The following UNC13B variants were observed in gnomAD, a reference collection of about 807,000 sequenced individuals.
The protein encoded by UNC13B is protein unc-13 homolog B.
A neutral mutation model predicts 211.0 loss-of-function variants in UNC13B; 144 were observed. The ratio of observed to expected loss-of-function variants is 0.68; its 90% CI spans 0.60 to 0.78. UNC13B has a LOEUF of 0.78. Ranked by LOEUF, UNC13B falls within the 30% of genes least tolerant of loss-of-function variation. The probability of loss-of-function intolerance (pLI) is 0.00; values close to 1 mark genes in which losing one functional copy is unlikely to be tolerated. For synonymous variants in UNC13B, 709 were observed against 725.8 expected, an observed-to-expected ratio of 0.98 and a Z score of 0.37; for missense variants, 1,777 against 2,002.0, an observed-to-expected ratio of 0.89 and a Z score of 2.14.
At chr9:35,314,746 G>A (rs62543215) in intron 11 of UNC13B, among the ~76,000 whole-genome samples, 30,578 of 151,256 alleles carry the variant, frequency 0.2, 3,274 homozygotes, top group Non-Finnish European at 0.24. Context: ...AAATCCATGC[G>A]TACACATTAT....
intron 19 of UNC13B, 35 bp downstream of exon 19, chr9:35,381,250 G>A (rs183630829): frequency 4.0e-5 from 64 of 1,580,998 alleles, no homozygotes; most frequent in Non-Finnish European, 5.5e-5. Context: ...GGATCAGAAA[G>A]CAGTGCTGGG....
intron 1 of UNC13B, among the ~76,000 whole-genome samples, chr9:35,183,316 G>GGGGCGGCC (rs1822084074): frequency 8.6e-6 from 1 of 115,732 alleles, no homozygotes; most frequent in Non-Finnish European, 1.9e-5. Context: ...CCTCCCAGGC[G>GGGGCGGCC]GGGCAGCCGG....
In UNC13B at chr9:35,398,617, G is replaced by A. The variant is rs1836050452; in HGVS notation, c.11896G>A (p.Glu3966Lys). The change falls in exon 32 of 40, where the codon GAG becomes AAG. Residue 3966 changes from glutamate to lysine, a missense_variant. Coordinates refer to ENST00000635942, the MANE Select transcript of UNC13B (RefSeq NM_001371189.2). ...LQVKLNTVLD[E>K]LSMVFGNSFQ... is the part of the protein sequence containing the mutation. ...GGTGAAACTGAATACGGTTCTGGAT[G>A]AGCTCAGCATGGTGTTTGGAAACAG... is the stretch of plus-strand genomic sequence containing the variant. The A allele has an allele frequency of 6.2e-7, 1 of 1,614,056 alleles. No homozygotes were observed. Among genetic ancestry groups the A allele is most frequent in the South Asian group, 1.1e-5 (1 of 91,076 alleles).
Position 35,231,224 on chromosome 9 carries a change from G to C in UNC13B, c.152+5G>C. Reference sequence around the variant, plus strand: ...CTGGGAACAGGATTTCATGTTGTAAGTATTTTGCAGCAGCAGTGTGCCTAC... The same window carrying C: ...CTGGGAACAGGATTTCATGTTGTAACTATTTTGCAGCAGCAGTGTGCCTAC... On this transcript the variant is annotated splice_donor_5th_base_variant and intron_variant, in intron 3 of 39. Coordinates refer to ENST00000635942, the MANE Select transcript of UNC13B (RefSeq NM_001371189.2). 6.3e-7 allele frequency: 1 copy of C among 1,595,834 alleles called. No homozygotes were observed. Among genetic ancestry groups the C allele is most frequent in the Non-Finnish European group, 8.6e-7 (1 of 1,163,688 alleles).
rs572527 is a variant in UNC13B at position 35,307,411 on chromosome 9, C to A, written c.8007C>A (p.Pro2669=). ...PTCIAEELPP[P]IQPPLPLEPE... ...GCATTGCCGAAGAGCTTCCTCCTCC[C>A]ATTCAGCCACCTCTTCCTCTTGAGC... is the stretch of plus-strand genomic sequence containing the variant. Residue 2669 remains proline, a synonymous_variant, in exon 9 of 40, where the codon CCC becomes CCA. Coordinates refer to ENST00000635942, the MANE Select transcript of UNC13B (RefSeq NM_001371189.2). 0.34 allele frequency: 134,571 copies of A among 398,632 alleles called. 23,503 individuals carry two copies. The highest frequency in any genetic ancestry group is 0.46 in the African/African-American group (22,155 of 48,528). 24.7% of individuals were successfully genotyped at this position (398,632 alleles called of 1,614,324 possible).
chr9:35,346,999 C>T lies in UNC13B; in HGVS notation c.9415-19948C>T, dbSNP rs984377560. Reference sequence around the variant, plus strand: ...GAGTACAGCCTCAACCTCCTGTGCTCAAGCGATCCTCCCACTTCAGCCTCC... The same window carrying T: ...GAGTACAGCCTCAACCTCCTGTGCTTAAGCGATCCTCCCACTTCAGCCTCC... On this transcript the variant is annotated intron_variant, in intron 11 of 39. Transcript: ENST00000635942. Among the ~76,000 whole-genome samples, 9 of 151,758 alleles carry T rather than the reference C, an allele frequency of 5.9e-5. No individual in the cohort carries two copies. The East Asian group carries it at 7.7e-4, about 13-fold the overall frequency.
intron 11 of UNC13B, chr9:35,361,644 A>T (rs1833418851): frequency 2.0e-5 from 3 of 152,262 alleles, no homozygotes; most frequent in African/African-American, 7.2e-5. Context: ...GAGAAATATT[A>T]TAAAGGAAGA....
chr9:35,300,312 G>A lies in UNC13B; in HGVS notation c.908G>A (p.Cys303Tyr), dbSNP rs1829610614. The change falls in exon 9 of 40, where the codon TGT (cysteine) becomes TAT (tyrosine). Residue 303 changes from cysteine to tyrosine, a missense_variant. Physicochemically the swap from Cys to Tyr is radical, Grantham distance 194 (BLOSUM62 -2). Transcript: ENST00000635942. ...YKSTYSNTENCTLCHTEKKQN... is the reference protein window; with the variant it reads ...YKSTYSNTENYTLCHTEKKQN... ...AGTACATATTCTAATACTGAAAATT[G>A]TACCCTTTGCCATACTGAAAAGAAA... 2 of 398,730 alleles carry A rather than the reference G, an allele frequency of 5.0e-6. No individual in the cohort carries two copies. The highest frequency in any genetic ancestry group is 4.1e-5 in the African/African-American group (2 of 48,608). 24.7% of individuals were successfully genotyped at this position (398,730 alleles called of 1,614,324 possible).
At chr9:35,199,281 T>C (rs898254586) in intron 1 of UNC13B, among the ~76,000 whole-genome samples, 2 of 152,200 alleles carry the variant, frequency 1.3e-5, no homozygotes, top group Admixed American at 1.3e-4. Flanking sequence ...TTTGCTATTG[T>C]GAATAGTGCT....
intron 37 of UNC13B, chr9:35,402,156 A>G (rs1406943066): frequency 2.9e-6 from 2 of 698,248 alleles, no homozygotes; most frequent in Non-Finnish European, 5.0e-6. Context: ...TAATGCCTTC[A>G]TATAGCCCAG....
chr9:35,257,395 A>T lies in UNC13B; in HGVS notation c.469-1598A>T, dbSNP rs7854205. On this transcript the variant is annotated intron_variant, in intron 6 of 39. Coordinates refer to ENST00000635942, the MANE Select transcript of UNC13B (RefSeq NM_001371189.2). ...TAAAATATTTATATAAATATTTATA[A>T]AAATATTTATATAAATATTTATAAA... 7.6e-3 allele frequency among the ~76,000 whole-genome samples: 1,072 copies of T among 141,704 alleles called. 13 individuals carry two copies. Among genetic ancestry groups the T allele is most frequent in the African/African-American group, 0.026 (1,007 of 38,304 alleles). The allele number at this position is 141,704 out of a possible 152,430, so 93.0% of individuals were successfully genotyped here.
chr9:35,379,922 C>T (rs1834705966), intron 17 of UNC13B, among the ~76,000 whole-genome samples: 2 of 152,076 alleles, frequency 1.3e-5, no homozygotes, highest in African/African-American at 4.8e-5. Flanking sequence ...CTCCTTTCTC[C>T]AAAGCAAACC....
In UNC13B at chr9:35,380,425, G is replaced by A. The variant is rs374600561; in HGVS notation, c.10206-45G>A. ...GGAATAGGAAGTAACAGGATTTGGC[G>A]CTACTGGGTCTGCCCCTAACAGAGC... is the stretch of plus-strand genomic sequence containing the variant. On this transcript the variant is annotated intron_variant, in intron 17 of 39. Coordinates refer to ENST00000635942, the MANE Select transcript of UNC13B (RefSeq NM_001371189.2). 10 of 1,591,832 alleles carry A rather than the reference G, an allele frequency of 6.3e-6. No homozygotes were observed. In the Admixed American group the frequency reaches 6.8e-5, roughly 11 times the overall value.
Position 35,169,374 on chromosome 9 carries a change from TC to T in UNC13B, c.22+7071del, listed in dbSNP as rs1162791637. ...AAAGTTCATGGCTTATCATTAATCA[TC>T]CATCTAACTAGACACGTTGATTGTG... is the stretch of plus-strand genomic sequence containing the variant. On this transcript the variant is annotated intron_variant, in intron 1 of 39. Transcript: ENST00000635942. 2.0e-5 allele frequency among the ~76,000 whole-genome samples: 3 copies of T among 152,212 alleles called. No homozygotes were observed. The East Asian group carries it at 5.8e-4, about 29-fold the overall frequency.
At chr9:35,315,182 A>G (rs1000202875) in intron 11 of UNC13B, among the ~76,000 whole-genome samples, 1 of 150,684 alleles carries the variant, frequency 6.6e-6, no homozygotes, top group South Asian at 2.1e-4. Context: ...GTGAGCCACT[A>G]TACTCAGCCC....
At chr9:35,319,402 C>CAAAAAAAA (rs74176715) in intron 11 of UNC13B, among the ~76,000 whole-genome samples, 1 of 56,192 alleles carries the variant, frequency 1.8e-5, no homozygotes, top group Non-Finnish European at 3.0e-5. Context: ...GACCCTATCT[C>CAAAAAAAA]AAAAAAAAAA....
chr9:35,298,739 G>A (rs1248510102), intron 8 of UNC13B, among the ~76,000 whole-genome samples: 1 of 152,146 alleles, frequency 6.6e-6, no homozygotes, highest in African/African-American at 2.4e-5. Context: ...CTAGCCTTTA[G>A]GTTCTTTCTC....
intron 6 of UNC13B, among the ~76,000 whole-genome samples, chr9:35,247,311 T>G (rs1470060611): frequency 1.3e-5 from 2 of 152,264 alleles, no homozygotes; most frequent in African/African-American, 2.4e-5. Flanking sequence ...AGGGACAATT[T>G]GATTTCCTCT....
intron 6 of UNC13B, among the ~76,000 whole-genome samples, chr9:35,247,315 T>A (rs556683891): frequency 6.6e-5 from 10 of 152,220 alleles, no homozygotes; most frequent in Admixed American, 6.5e-4. Flanking sequence ...ACAATTTGAT[T>A]TCCTCTTTTT....
Sources: gnomAD v4.1 joint callset for allele counts (sites outside exome capture counted in the v4.1 genomes callset) on GRCh38, gnomAD v4.1.1 for gene constraint, MANE v1.5 for transcripts, NCBI Gene and HGNC (gene_info 2026-07-23, HGNC 2026-07-21) for gene names.